Variants in DAB1 observed in about 807,000 individuals in gnomAD.
DAB1 encodes DAB adaptor protein 1.
DAB1 carries 15 observed loss-of-function variants against 64.6 expected under a neutral mutation model. The observed-to-expected ratio is 0.23, with a 90% CI of 0.16 to 0.36. The LOEUF (loss-of-function observed/expected upper bound fraction) is 0.36. Ranked by LOEUF, DAB1 falls within the 10% of genes least tolerant of loss-of-function variation. The pLI, the probability that DAB1 is intolerant of heterozygous loss-of-function variation, is 1.00. For missense variants in DAB1, 596 were observed against 706.7 expected (o/e 0.84, Z 1.78); for synonymous variants, 235 against 251.9 (o/e 0.93, Z 0.64).
intron 3 of DAB1, among the ~76,000 whole-genome samples, chr1:58,385,814 G>A (rs1644427819): frequency 6.6e-6 from 1 of 152,210 alleles, no homozygotes; most frequent in Non-Finnish European, 1.5e-5. Context: ...GTCAAATGGA[G>A]ATCAAGGTAC....
chr1:57,371,071 G>A (rs1044806630), intron 1 of DAB1, among the ~76,000 whole-genome samples: 56 of 152,246 alleles, frequency 3.7e-4, no homozygotes, highest in African/African-American at 1.2e-3. Context: ...AATAAGTAGC[G>A]GCTATATGCA....
At chr1:57,025,113 C>T (rs961470774) in intron 10 of DAB1, among the ~76,000 whole-genome samples, 10 of 152,318 alleles carry the variant, frequency 6.6e-5, no homozygotes, top group South Asian at 4.2e-4. Flanking sequence ...TGTCCCCTCC[C>T]GGCAGCTTCA....
chr1:57,546,848 A>G (rs1644861285), intron 7 of DAB1, among the ~76,000 whole-genome samples: 1 of 152,186 alleles, frequency 6.6e-6, no homozygotes, highest in Non-Finnish European at 1.5e-5. Flanking sequence ...GCATGACTGT[A>G]TATATGTGTG....
intron 7 of DAB1, among the ~76,000 whole-genome samples, chr1:57,507,012 A>C (rs559061371): frequency 6.6e-6 from 1 of 152,008 alleles, no homozygotes; most frequent in African/African-American, 2.4e-5. Context: ...AGTCCCTCTC[A>C]TCTACAATCT....
chr1:57,962,590 G>A (rs748737913), intron 5 of DAB1, among the ~76,000 whole-genome samples: 1 of 152,170 alleles, frequency 6.6e-6, no homozygotes, highest in Non-Finnish European at 1.5e-5. Context: ...CCCAGGAAGA[G>A]GCCAGGTGTG....
At chr1:57,851,998 G>A (rs1459229055) in intron 1 of DAB1, among the ~76,000 whole-genome samples, 3 of 152,286 alleles carry the variant, frequency 2.0e-5, no homozygotes, top group East Asian at 1.9e-4. Flanking sequence ...GTGCCTTGGC[G>A]TGCTGAGCAC....
chr1:58,030,835 T>C (rs1436122481), intron 5 of DAB1, among the ~76,000 whole-genome samples: 1 of 152,232 alleles, frequency 6.6e-6, no homozygotes, highest in Admixed American at 6.5e-5. Flanking sequence ...CAAAAATGTA[T>C]GAACCACTTA....
At chr1:57,630,738 T>C (rs770881851) in intron 7 of DAB1, among the ~76,000 whole-genome samples, 2 of 152,216 alleles carry the variant, frequency 1.3e-5, no homozygotes, top group Non-Finnish European at 2.9e-5. Flanking sequence ...TAAAATATAC[T>C]CTGCTATTTT....
intron 4 of DAB1, among the ~76,000 whole-genome samples, chr1:58,215,168 T>C (rs1186247247): frequency 1.3e-5 from 2 of 152,132 alleles, no homozygotes; most frequent in Non-Finnish European, 2.9e-5. Flanking sequence ...GCTATAATCA[T>C]CCCAATCTTC....
intron 7 of DAB1, among the ~76,000 whole-genome samples, chr1:57,507,141 T>A (rs1340570814): frequency 6.6e-6 from 1 of 152,144 alleles, no homozygotes; most frequent in Non-Finnish European, 1.5e-5. Context: ...AGTCCTTAGC[T>A]TACCGTTCAA....
intron 3 of DAB1, among the ~76,000 whole-genome samples, chr1:58,481,843 A>G (rs1307330999): frequency 6.6e-6 from 1 of 152,200 alleles, no homozygotes; most frequent in Non-Finnish European, 1.5e-5. Flanking sequence ...GTAAGACATG[A>G]CTTTTCTCCT....
At chr1:57,040,961 T>C (rs1417833595) in intron 9 of DAB1, among the ~76,000 whole-genome samples, 1 of 152,182 alleles carries the variant, frequency 6.6e-6, no homozygotes, top group Non-Finnish European at 1.5e-5. Context: ...TGTGCCTCTC[T>C]TGGAGGGGTT....
intron 1 of DAB1, among the ~76,000 whole-genome samples, chr1:57,878,030 T>A (rs1032842883): frequency 6.6e-6 from 1 of 152,208 alleles, no homozygotes; most frequent in Non-Finnish European, 1.5e-5. Context: ...TGTCTATAAT[T>A]ACACACCTAA....
chr1:58,020,675 T>G (rs1429713371), intron 5 of DAB1, among the ~76,000 whole-genome samples: 1 of 152,120 alleles, frequency 6.6e-6, no homozygotes, highest in Non-Finnish European at 1.5e-5. Context: ...AATGAGAAGT[T>G]GTGTAAAACT....
intron 5 of DAB1, among the ~76,000 whole-genome samples, chr1:57,942,048 G>A (rs900972757): frequency 2.0e-5 from 3 of 152,074 alleles, no homozygotes; most frequent in African/African-American, 7.2e-5. Flanking sequence ...GGGTAGATGG[G>A]GCAAGAAAGT....
At chr1:57,571,361 T>C (rs556292477) in intron 7 of DAB1, among the ~76,000 whole-genome samples, 1 of 152,296 alleles carries the variant, frequency 6.6e-6, no homozygotes, top group African/African-American at 2.4e-5. Flanking sequence ...GCCTTTAGTG[T>C]CATCCTTACC....
At chr1:57,455,851 G>A (rs1460844884) in intron 7 of DAB1, among the ~76,000 whole-genome samples, 4 of 152,084 alleles carry the variant, frequency 2.6e-5, no homozygotes, top group East Asian at 3.9e-4. Flanking sequence ...AACTTGGGAC[G>A]ATTTAATATA....
intron 3 of DAB1, among the ~76,000 whole-genome samples, chr1:58,414,706 A>G (rs1196112611): frequency 6.6e-6 from 1 of 152,166 alleles, no homozygotes; most frequent in Non-Finnish European, 1.5e-5. Context: ...AAGATGAGAA[A>G]AAAAGTCGGG....
intron 2 of DAB1, among the ~76,000 whole-genome samples, chr1:57,175,348 A>G (rs906643946): frequency 6.7e-6 from 1 of 149,092 alleles, no homozygotes; most frequent in African/African-American, 2.5e-5. Flanking sequence ...CTGACAAACT[A>G]CAGGTTCCAA....
Sources: allele counts gnomAD v4.1 joint callset (sites outside exome capture counted in the v4.1 genomes callset), GRCh38; gene constraint gnomAD v4.1.1; transcripts MANE v1.5; gene names NCBI Gene and HGNC (gene_info 2026-07-23, HGNC 2026-07-21).